Variants in ME3 observed in about 807,000 individuals in gnomAD.
The protein encoded by ME3 is NADP-dependent malic enzyme, mitochondrial.
ME3 carries 48 observed loss-of-function variants against 68.9 expected under a neutral mutation model. That is an observed-to-expected ratio of 0.70 (90% CI 0.55 to 0.89). The LOEUF (loss-of-function observed/expected upper bound fraction) is 0.89, where lower values mean the gene tolerates loss of function less well. ME3 is among the 40% of genes least tolerant of loss of function. ME3 has a pLI of 0.00. For synonymous variants in ME3, 320 were observed against 318.8 expected (o/e 1.00, Z -0.04); for missense variants, 675 against 797.4 (o/e 0.85, Z 1.85).
chr11:86,442,723 G>T, intron 14 of ME3, 98 bp downstream of exon 14: 1 of 985,752 alleles, frequency 1.0e-6, no homozygotes, highest in Non-Finnish European at 1.5e-6. Flanking sequence ...GAGATCCAGT[G>T]TCTCCACAGT....
chr11:86,597,260 C>A (rs181302669), intron 2 of ME3, among the ~76,000 whole-genome samples: 84 of 152,320 alleles, frequency 5.5e-4, no homozygotes, highest in African/African-American at 2.0e-3. Context: ...CCAAGGAACA[C>A]GTTCCAAGGT....
chr11:86,472,958 C>T (rs1176054320), intron 7 of ME3, among the ~76,000 whole-genome samples: 3 of 152,182 alleles, frequency 2.0e-5, no homozygotes, highest in Non-Finnish European at 4.4e-5. Flanking sequence ...TTCTGTGGAA[C>T]GTTCTAACGA....
intron 2 of ME3, among the ~76,000 whole-genome samples, chr11:86,596,739 T>C (rs911871738): frequency 6.6e-6 from 1 of 152,230 alleles, no homozygotes; most frequent in Non-Finnish European, 1.5e-5. Context: ...GCCAAGGTCA[T>C]GTAGGTAAGA....
At position 86,573,554 on chromosome 11, in the gene ME3, T is replaced by C. The variant is rs1404693166; in HGVS notation, c.184-13731A>G. On this transcript the variant is annotated intron_variant, in intron 2 of 14. Coordinates refer to ENST00000543262, the Ensembl canonical transcript of ME3. Reference sequence around the variant, plus strand: ...GTCTGACAGACGGGAGTTTTCTAAATATAGAGTCATGTCATCTGCAAACAG... The same window carrying C: ...GTCTGACAGACGGGAGTTTTCTAAACATAGAGTCATGTCATCTGCAAACAG... 1.3e-5 allele frequency among the ~76,000 whole-genome samples: 2 copies of C among 151,242 alleles called. 1 individual carries two copies. Among genetic ancestry groups the C allele is most frequent in the African/African-American group, 4.9e-5 (2 of 40,626 alleles).
At chr11:86,556,530 G>A (rs771747341) in intron 4 of ME3, 23 bp downstream of exon 4, 1 of 1,607,982 alleles carries the variant, frequency 6.2e-7, no homozygotes, top group South Asian at 1.1e-5. Context: ...CCCTCCCAGA[G>A]CCCTCACTCC....
intron 2 of ME3, among the ~76,000 whole-genome samples, chr11:86,595,875 C>T (rs1043388972): frequency 1.3e-5 from 2 of 152,206 alleles, no homozygotes; most frequent in African/African-American, 4.8e-5. Context: ...TAGAGGGCAC[C>T]TCTGGGTGGG....
chr11:86,446,671 C>G (rs79715123), intron 12 of ME3, among the ~76,000 whole-genome samples, 184 bp from the exon 13 acceptor site: 8,175 of 152,322 alleles, frequency 0.054, 300 homozygotes, highest in Non-Finnish European at 0.084. Context: ...CAGCCCTCAC[C>G]TGTTATCTAG....
intron 2 of ME3, among the ~76,000 whole-genome samples, chr11:86,597,189 C>T (rs1959632121): frequency 6.6e-6 from 1 of 152,174 alleles, no homozygotes; most frequent in Non-Finnish European, 1.5e-5. Flanking sequence ...GGTGCATTGC[C>T]AAGGCAGGGA....
At chr11:86,492,783 T>C (rs1952079914) in intron 6 of ME3, among the ~76,000 whole-genome samples, 1 of 152,224 alleles carries the variant, frequency 6.6e-6, no homozygotes, top group Admixed American at 6.5e-5. Flanking sequence ...GAAAAAGAAA[T>C]GGTTTCCTCC....
chr11:86,666,722 C>A (rs570002895), intron 2 of ME3, among the ~76,000 whole-genome samples: 12 of 152,300 alleles, frequency 7.9e-5, no homozygotes, highest in African/African-American at 2.2e-4. Context: ...ACACAATAAT[C>A]CACTGTTTCT....
intron 4 of ME3, among the ~76,000 whole-genome samples, chr11:86,538,499 TC>T (rs998396569): frequency 4.6e-5 from 7 of 152,116 alleles, no homozygotes; most frequent in Non-Finnish European, 8.8e-5. Flanking sequence ...AAGCTCAACT[TC>T]CCACAACCGT....
chr11:86,620,699 T>C (rs1328914459), intron 2 of ME3, among the ~76,000 whole-genome samples: 1 of 152,242 alleles, frequency 6.6e-6, no homozygotes, highest in African/African-American at 2.4e-5. Flanking sequence ...GGGATACCTT[T>C]ATGCCTTCAA....
At chr11:86,444,550 T>C (rs868321219) in intron 13 of ME3, among the ~76,000 whole-genome samples, 5 of 152,294 alleles carry the variant, frequency 3.3e-5, no homozygotes, top group Middle Eastern at 3.4e-3. Context: ...AGAAAAGTTA[T>C]CCTGAGAAGA....
At chr11:86,646,872 G>A (rs906438546) in intron 2 of ME3, among the ~76,000 whole-genome samples, 1 of 152,192 alleles carries the variant, frequency 6.6e-6, no homozygotes, top group African/African-American at 2.4e-5. Context: ...AACCCTACAA[G>A]CCAAAAGAGA....
intron 4 of ME3, among the ~76,000 whole-genome samples, chr11:86,535,214 C>A (rs887450884): frequency 6.6e-6 from 1 of 152,110 alleles, no homozygotes; most frequent in African/African-American, 2.4e-5. Context: ...TACTTCTTAC[C>A]TCCACTCCCA....
rs537317341 is a variant in ME3 at position 86,536,471 on chromosome 11, C to T, written c.467+20082G>A. Among the ~76,000 whole-genome samples the T allele has an allele frequency of 4.6e-4, 57 of 122,962 alleles. 2 individuals carry two copies. The highest frequency in any genetic ancestry group is 8.1e-4 in the African/African-American group (25 of 30,990). 80.7% of individuals were successfully genotyped at this position (122,962 alleles called of 152,430 possible). On this transcript the variant is annotated intron_variant, in intron 4 of 14. Coordinates refer to ENST00000543262, the Ensembl canonical transcript of ME3. ...ACAAACAACCCCATCAAAAAGTGGG[C>T]GAAGGACATGAACAGACACTTCTCA...
chr11:86,451,505 A>G (rs1359669361), intron 8 of ME3, among the ~76,000 whole-genome samples: 1 of 152,214 alleles, frequency 6.6e-6, no homozygotes, highest in Admixed American at 6.5e-5. Context: ...GATGGAGGCT[A>G]TGCATGGGCT....
chr11:86,458,142 TA>T (rs536724416), intron 8 of ME3, among the ~76,000 whole-genome samples: 4 of 152,380 alleles, frequency 2.6e-5, no homozygotes, highest in African/African-American at 9.6e-5. Context: ...ATTACCTTTC[TA>T]CAGTAGATAC....
intron 2 of ME3, among the ~76,000 whole-genome samples, chr11:86,637,617 AG>A (rs2135361733): frequency 6.6e-6 from 1 of 152,262 alleles, no homozygotes; most frequent in Non-Finnish European, 1.5e-5. Flanking sequence ...AGGGATGATG[AG>A]GCTCGATTGA....
Sources: allele counts gnomAD v4.1 joint callset (sites outside exome capture counted in the v4.1 genomes callset), GRCh38; gene constraint gnomAD v4.1.1; transcripts MANE v1.5; gene names NCBI Gene and HGNC (gene_info 2026-07-23, HGNC 2026-07-21).